The following COLEC12 variants were observed in gnomAD, a reference collection of about 807,000 sequenced individuals.
COLEC12 encodes collectin-12.
COLEC12 carries 33 observed loss-of-function variants against 71.1 expected under a neutral mutation model. That is an observed-to-expected ratio of 0.46 (90% confidence interval 0.35 to 0.62). The LOEUF is 0.62. Ranked by LOEUF, COLEC12 falls within the 20% of genes least tolerant of loss-of-function variation. The pLI, the probability that COLEC12 is intolerant of heterozygous loss-of-function variation, is 0.00. For synonymous variants in COLEC12, 350 were observed against 353.0 expected (o/e 0.99, Z 0.10); for missense variants, 765 against 916.1 (o/e 0.84, Z 2.13).
intron 1 of COLEC12, among the ~76,000 whole-genome samples, chr18:487,316 G>T (rs1469381959): frequency 1.3e-5 from 2 of 152,232 alleles, no homozygotes; most frequent in Non-Finnish European, 2.9e-5. Flanking sequence ...AGGGCTGGTG[G>T]TTTTGAGGGG....
intron 2 of COLEC12, among the ~76,000 whole-genome samples, chr18:454,862 CAG>C (rs1448719064): frequency 1.3e-5 from 2 of 152,346 alleles, no homozygotes; most frequent in East Asian, 3.9e-4. Flanking sequence ...GAGCCTAAAA[CAG>C]AGTCTGGCAT....
Position 327,390 on chromosome 18 carries a change from G to A in COLEC12, c.2063+4278C>T, listed in dbSNP as rs2143418090. Among the ~76,000 whole-genome samples the A allele has an allele frequency of 6.6e-6, 1 of 152,092 alleles. No individual in the cohort carries two copies. Among genetic ancestry groups the A allele is most frequent in the African/African-American group, 2.4e-5 (1 of 41,470 alleles). ...TTGGTGTGTGGATCCAAAGCATCTG[G>A]GGACCCATCCTTGGAACTGTCCGGG... On this transcript the variant is annotated intron_variant, in intron 8 of 9. Coordinates refer to ENST00000400256, the MANE Select transcript of COLEC12 (RefSeq NM_130386.3). The surrounding 1 kb of genome is among the most constrained non-coding windows in gnomAD (Gnocchi z 4.0).
At chr18:363,748 C>T (rs868677588) in intron 2 of COLEC12, among the ~76,000 whole-genome samples, 8 of 152,056 alleles carry the variant, frequency 5.3e-5, no homozygotes, top group East Asian at 1.9e-4. Context: ...CTTTATCCAC[C>T]GAAATAACTA....
intron 2 of COLEC12, among the ~76,000 whole-genome samples, chr18:441,162 G>C (rs1384416019): frequency 6.7e-6 from 1 of 148,698 alleles, no homozygotes; most frequent in Non-Finnish European, 1.5e-5. Flanking sequence ...GCAGGAGAAT[G>C]GCGTGAACCC....
chr18:327,200 G>A lies in COLEC12; in HGVS notation c.2063+4468C>T, dbSNP rs1453315502. Among the ~76,000 whole-genome samples the A allele has an allele frequency of 2.0e-5, 3 of 152,218 alleles. No homozygotes were observed. Among genetic ancestry groups the A allele is most frequent in the African/African-American group, 7.2e-5 (3 of 41,460 alleles). ...AAGGACAATGTGTGTGTGTGTGAAT[G>A]TAAGATGGCCAGCCATCTCTTCTTG... On this transcript the variant is annotated intron_variant, in intron 8 of 9. Coordinates refer to ENST00000400256, the MANE Select transcript of COLEC12 (RefSeq NM_130386.3). The surrounding 1 kb of genome is among the most constrained non-coding windows in gnomAD (Gnocchi z 4.0).
intron 2 of COLEC12, among the ~76,000 whole-genome samples, chr18:377,358 G>A (rs950939265): frequency 1.6e-4 from 24 of 152,190 alleles, no homozygotes; most frequent in Admixed American, 2.0e-4. Flanking sequence ...TCAGGCTGCC[G>A]CCTGAAACTC....
chr18:391,603 T>G (rs1285237185), intron 2 of COLEC12, among the ~76,000 whole-genome samples: 1 of 152,196 alleles, frequency 6.6e-6, no homozygotes, highest in East Asian at 1.9e-4. Flanking sequence ...TTTGGGACAC[T>G]AGTTTATAAT....
chr18:323,551 G>GT (rs1194138176), intron 8 of COLEC12, among the ~76,000 whole-genome samples: 6 of 152,224 alleles, frequency 3.9e-5, no homozygotes, highest in South Asian at 4.1e-4. Context: ...TAGAGATGAA[G>GT]TTGGAAAGAA....
intron 5 of COLEC12, among the ~76,000 whole-genome samples, chr18:340,896 A>G (rs1914236108): frequency 6.6e-6 from 1 of 152,244 alleles, no homozygotes; most frequent in South Asian, 2.1e-4. Context: ...CACCTTGTCC[A>G]CAGAGGAGGG....
In COLEC12 at chr18:346,516, G is replaced by C; in HGVS notation, c.1106C>G (p.Thr369Ser). 6.2e-7 allele frequency: 1 copy of C among 1,614,144 alleles called. No individual in the cohort carries two copies. The highest frequency in any genetic ancestry group is 1.3e-5 in the African/African-American group (1 of 75,036). The change falls in exon 5 of 10, where the codon ACC (threonine) becomes AGC (serine). Residue 369 changes from threonine (T) to serine (S), a missense_variant. Thr to Ser is a moderately conservative substitution (Grantham distance 58, BLOSUM62 1). Transcript: ENST00000400256. This position sits in a 1 kb window ranked among gnomAD's most constrained non-coding sequence, Gnocchi z 4.0. ...TTTGGTAAGGGTATCTGTGCAAGTG[G>C]TCCTGACTTCATTTAGATTGCTGGT... is the stretch of plus-strand genomic sequence containing the variant. Reference protein sequence around the residue: ...TLTSNLNEVRTTCTDTLTKHT... With the variant: ...TLTSNLNEVRSTCTDTLTKHT...
Position 500,670 on chromosome 18 carries a change from C to CGCTCCCCGCGCTCCCG in COLEC12, c.-172_-157dup. 2.9e-6 allele frequency: 1 copy of CGCTCCCCGCGCTCCCG among 346,126 alleles called. No individual in the cohort carries two copies. Among genetic ancestry groups the CGCTCCCCGCGCTCCCG allele is most frequent in the Non-Finnish European group, 4.3e-6 (1 of 232,036 alleles). 21.4% of individuals were successfully genotyped at this position (346,126 alleles called of 1,614,324 possible). A position where few individuals can be genotyped will look rare whatever the true frequency, so the allele number is the denominator to read the frequency against. ...GTCCTCCCTCGCCGCCGCCGGCCCG[C>CGCTCCCCGCGCTCCCG]GCTCCCCGCGCTCCCGGCTCCGCGC... On this transcript the variant is annotated 5_prime_UTR_variant, in exon 1 of 10. Coordinates refer to ENST00000400256, the MANE Select transcript of COLEC12 (RefSeq NM_130386.3). The surrounding 1 kb of genome is among the most constrained non-coding windows in gnomAD (Gnocchi z 5.3).
At chr18:489,408 C>G (rs970303302) in intron 1 of COLEC12, among the ~76,000 whole-genome samples, 4 of 152,022 alleles carry the variant, frequency 2.6e-5, no homozygotes, top group African/African-American at 9.7e-5. Context: ...AGCAACAAAC[C>G]CAGTGTGTGT....
At chr18:435,344 A>G (rs1172155187) in intron 2 of COLEC12, among the ~76,000 whole-genome samples, 1 of 152,240 alleles carries the variant, frequency 6.6e-6, no homozygotes, top group East Asian at 1.9e-4. Flanking sequence ...CAGAAGGCAA[A>G]GAAGAGGCAG....
chr18:413,181 G>A (rs1417895108), intron 2 of COLEC12, among the ~76,000 whole-genome samples: 1 of 152,112 alleles, frequency 6.6e-6, no homozygotes, highest in Admixed American at 6.5e-5. Flanking sequence ...TTTGAATATG[G>A]GCAGAAGACA....
At chr18:404,580 C>T (rs777719206) in intron 2 of COLEC12, among the ~76,000 whole-genome samples, 5 of 152,126 alleles carry the variant, frequency 3.3e-5, no homozygotes, top group Admixed American at 6.5e-5. Flanking sequence ...CCAGCTGGAG[C>T]CGTGGCAGAG....
intron 2 of COLEC12, among the ~76,000 whole-genome samples, chr18:382,088 G>A (rs16943586): frequency 0.14 from 20,557 of 152,134 alleles, 1,551 homozygotes; most frequent in East Asian, 0.26. Context: ...CACACCCATG[G>A]CGGAGTTGGA....
intron 2 of COLEC12, among the ~76,000 whole-genome samples, chr18:359,286 A>G (rs1460371344): frequency 6.6e-6 from 1 of 152,242 alleles, no homozygotes; most frequent in Non-Finnish European, 1.5e-5. Flanking sequence ...ACCGCGAATT[A>G]GGATGGCCCC....
At chr18:350,328 C>T (rs1171440035) in intron 3 of COLEC12, among the ~76,000 whole-genome samples, 3 of 152,092 alleles carry the variant, frequency 2.0e-5, no homozygotes, top group Non-Finnish European at 4.4e-5. Context: ...CTTTTGCCTC[C>T]CACCATGATT....
chr18:387,331 C>T (rs912558534), intron 2 of COLEC12, among the ~76,000 whole-genome samples: 1 of 152,100 alleles, frequency 6.6e-6, no homozygotes, highest in Non-Finnish European at 1.5e-5. Flanking sequence ...TGAGCAGAAG[C>T]GCTTTAGAGA....
Sources: gnomAD v4.1 joint callset for allele counts (sites outside exome capture counted in the v4.1 genomes callset) on GRCh38, gnomAD v4.1.1 for gene constraint, Gnocchi (gnomAD v3.1) non-coding constraint, MANE v1.5 for transcripts, NCBI Gene and HGNC (gene_info 2026-07-23, HGNC 2026-07-21) for gene names.